The following MBNL2 variants were observed in gnomAD, a reference collection of about 807,000 sequenced individuals.
MBNL2 encodes muscleblind like splicing regulator 2.
A neutral mutation model predicts 41.9 loss-of-function variants in MBNL2; 17 were observed. The ratio of observed to expected loss-of-function variants is 0.41; its 90% confidence interval spans 0.28 to 0.61. The LOEUF (loss-of-function observed/expected upper bound fraction) is 0.61, where lower values mean the gene tolerates loss of function less well. Ranked by LOEUF, MBNL2 falls within the 20% of genes least tolerant of loss-of-function variation. The probability of loss-of-function intolerance (pLI) is 0.35; values close to 1 mark genes in which losing one functional copy is unlikely to be tolerated. For synonymous variants in MBNL2, 195 were observed against 182.9 expected, an observed-to-expected ratio of 1.07 and a Z score of -0.53; for missense variants, 336 against 505.6, an observed-to-expected ratio of 0.66 and a Z score of 3.22.
At chr13:97,289,304 T>G (rs535639682) in intron 2 of MBNL2, among the ~76,000 whole-genome samples, 2 of 152,328 alleles carry the variant, frequency 1.3e-5, no homozygotes, top group South Asian at 2.1e-4. Flanking sequence ...ACATTTCAAG[T>G]GCTCCCAGCT....
chr13:97,329,026 G>GTAATTCCAATAGCACCAATCTGTTGTTC (rs2060149174), intron 2 of MBNL2, among the ~76,000 whole-genome samples: 1 of 152,146 alleles, frequency 6.6e-6, no homozygotes, highest in Non-Finnish European at 1.5e-5. Context: ...TAATGGCTAT[G>GTAATTCCAATAGCACCAATCTGTTGTTC]TAATTCCAAT....
At chr13:97,150,479 T>C in the MBNL2 span, among the ~76,000 whole-genome samples, 1 of 152,214 alleles carries the variant, frequency 6.6e-6, no homozygotes, top group Non-Finnish European at 1.5e-5. Flanking sequence ...ACATGTATTT[T>C]ACAAAGGCCA....
At chr13:97,215,298 C>T in the MBNL2 span, among the ~76,000 whole-genome samples, 7 of 152,198 alleles carry the variant, frequency 4.6e-5, no homozygotes, top group Admixed American at 2.0e-4. Flanking sequence ...TGCTCTCAGG[C>T]ACCCTAGGAA....
At chr13:97,360,583 A>T (rs1425923948) in intron 7 of MBNL2, among the ~76,000 whole-genome samples, 1 of 152,156 alleles carries the variant, frequency 6.6e-6, no homozygotes, top group African/African-American at 2.4e-5. Context: ...TCTTATAGAC[A>T]TTATCTCATT....
the MBNL2 span, among the ~76,000 whole-genome samples, chr13:97,196,225 T>C: frequency 6.6e-6 from 1 of 152,160 alleles, no homozygotes; most frequent in South Asian, 2.1e-4. Context: ...GAAATGCACA[T>C]CTTTGCATAC....
At chr13:97,303,666 A>G (rs1016354752) in intron 2 of MBNL2, among the ~76,000 whole-genome samples, 1 of 152,262 alleles carries the variant, frequency 6.6e-6, no homozygotes, top group Non-Finnish European at 1.5e-5. Flanking sequence ...CTCCGGTGGC[A>G]GAATGCCCCA....
intron 5 of MBNL2, among the ~76,000 whole-genome samples, chr13:97,348,197 C>T (rs1268845456): frequency 1.3e-5 from 2 of 151,716 alleles, no homozygotes; most frequent in Non-Finnish European, 2.9e-5. Context: ...ACCTCAGCCT[C>T]CTGAGTAGCT....
intron 1 of MBNL2, among the ~76,000 whole-genome samples, chr13:97,238,039 C>G (rs1206105761): frequency 6.6e-6 from 1 of 152,104 alleles, no homozygotes; most frequent in African/African-American, 2.4e-5. Flanking sequence ...AACAGAAAAA[C>G]CAGTGATGCC....
the MBNL2 span, among the ~76,000 whole-genome samples, chr13:97,189,186 T>C: frequency 6.6e-6 from 1 of 152,124 alleles, no homozygotes; most frequent in African/African-American, 2.4e-5. Flanking sequence ...TAGCCACTGT[T>C]CCTGGCCATC....
intron 1 of MBNL2, among the ~76,000 whole-genome samples, chr13:97,250,013 C>T (rs558849718): frequency 1.4e-4 from 21 of 152,308 alleles, no homozygotes; most frequent in Admixed American, 2.6e-4. Context: ...GCCCAGGACA[C>T]GGAAGTCTGG....
At chr13:97,254,594 C>T (rs2047173217) in intron 1 of MBNL2, among the ~76,000 whole-genome samples, 1 of 152,168 alleles carries the variant, frequency 6.6e-6, no homozygotes, top group South Asian at 2.1e-4. Context: ...GCGTTGACTT[C>T]TTTTGACCCT....
the MBNL2 span, among the ~76,000 whole-genome samples, chr13:97,164,799 G>T: frequency 6.6e-6 from 1 of 152,128 alleles, no homozygotes; most frequent in Non-Finnish European, 1.5e-5. Context: ...TTTTGCTCCT[G>T]GTCTGATGCC....
chr13:97,359,503 C>T (rs1264780993), intron 7 of MBNL2, among the ~76,000 whole-genome samples: 1 of 152,128 alleles, frequency 6.6e-6, no homozygotes, highest in Non-Finnish European at 1.5e-5. Flanking sequence ...AAATGTTTCA[C>T]CTTTTAAACA....
chr13:97,171,054 T>C, the MBNL2 span, among the ~76,000 whole-genome samples: 3 of 152,220 alleles, frequency 2.0e-5, no homozygotes, highest in Non-Finnish European at 2.9e-5. Flanking sequence ...TCACCCAAAG[T>C]TGTACAGTGG....
At chr13:97,175,536 G>A in the MBNL2 span, among the ~76,000 whole-genome samples, 1 of 152,164 alleles carries the variant, frequency 6.6e-6, no homozygotes, top group African/African-American at 2.4e-5. Flanking sequence ...TGGCCAAATT[G>A]CTGAAGATGT....
At chr13:97,306,586 A>G (rs1290131957) in intron 2 of MBNL2, among the ~76,000 whole-genome samples, 1 of 152,216 alleles carries the variant, frequency 6.6e-6, no homozygotes, top group Non-Finnish European at 1.5e-5. Context: ...CTGGGACTGG[A>G]CCACCAGTGT....
chr13:97,366,316 G>T lies in MBNL2; in HGVS notation c.1048+1145G>T. On this transcript the variant is annotated intron_variant, in intron 8 of 8. Coordinates refer to ENST00000679496, the MANE Select transcript of MBNL2 (RefSeq NM_001382683.1). The surrounding 1 kb of genome is among the most constrained non-coding windows in gnomAD (Gnocchi z 4.7). Reference sequence around the variant, plus strand: ...TTTTATTTCTCTCCCATGCTTCCTTGCTTTGCATTGTGATTGCATGCCATC... The same window carrying T: ...TTTTATTTCTCTCCCATGCTTCCTTTCTTTGCATTGTGATTGCATGCCATC... 1 of 574,994 alleles carries T rather than the reference G, an allele frequency of 1.7e-6. No individual in the cohort carries two copies. The allele number at this position is 574,994 out of a possible 1,614,324, so 35.6% of individuals were successfully genotyped here.
At chr13:97,300,030 T>G (rs1370590487) in intron 2 of MBNL2, among the ~76,000 whole-genome samples, 13 of 152,132 alleles carry the variant, frequency 8.5e-5, no homozygotes, top group Non-Finnish European at 1.8e-4. Flanking sequence ...TTTTTCAGGC[T>G]CTAGGGCCTT....
At position 97,343,023 on chromosome 13, in the gene MBNL2, T is replaced by C; in HGVS notation, c.347T>C (p.Phe116Ser). The change falls in exon 4 of 9, where the codon TTC becomes TCC. Residue 116 changes from phenylalanine to serine, a missense_variant. By Grantham distance (155) the Phe-to-Ser change is radical. Transcript: ENST00000679496. The part of the protein sequence containing the change: ...PGTPLHPVPT[F>S]PVGPAIGTNT... ...GTTGTCTTCCTTTAACAGCCCACTT[T>C]CCCTGTAGGTCCCGCGATAGGGACA... is the stretch of plus-strand genomic sequence containing the variant. 6.2e-7 allele frequency: 1 copy of C among 1,610,116 alleles called. No homozygotes were observed.
Sources: gnomAD v4.1 joint callset for allele counts (sites outside exome capture counted in the v4.1 genomes callset) on GRCh38, gnomAD v4.1.1 for gene constraint, Gnocchi (gnomAD v3.1) non-coding constraint, MANE v1.5 for transcripts, NCBI Gene and HGNC (gene_info 2026-07-23, HGNC 2026-07-21) for gene names.